PPRC1: variants seen among roughly 807,000 people sequenced by gnomAD.
PPRC1 encodes the protein PPARG related coactivator 1.
Under a neutral mutation model 132.5 loss-of-function variants are expected in PPRC1, and 23 were observed. That is an observed-to-expected ratio of 0.17 (90% CI 0.12 to 0.25). The LOEUF is 0.25. PPRC1 is among the 10% of genes least tolerant of loss of function. The probability of loss-of-function intolerance (pLI) is 1.00; values close to 1 mark genes in which losing one functional copy is unlikely to be tolerated. For missense variants in PPRC1, 2,006 were observed against 2,089.1 expected, an observed-to-expected ratio of 0.96 and a Z score of 0.78; for synonymous variants, 872 against 833.5, an observed-to-expected ratio of 1.05 and a Z score of -0.80.
chr10:102,131,653 CAACTT>C (rs1294663334), upstream of PPRC1, among the ~76,000 whole-genome samples: 94 of 152,190 alleles, frequency 6.2e-4, no homozygotes, highest in African/African-American at 2.2e-3. Context: ...AAACTGTAAA[CAACTT>C]AAATATTATT....
chr10:102,131,105 GAATCA>G (rs2068533019), upstream of PPRC1, among the ~76,000 whole-genome samples: 3 of 150,292 alleles, frequency 2.0e-5, no homozygotes, highest in African/African-American at 7.4e-5. Flanking sequence ...TGAGGCAGGA[GAATCA>G]CTTGAACCTG....
In PPRC1 at chr10:102,141,329, C is replaced by T. The variant is rs778325608; in HGVS notation, c.2821C>T (p.Pro941Ser). 2.5e-6 allele frequency: 4 copies of T among 1,614,072 alleles called. No individual in the cohort carries two copies. Among genetic ancestry groups the T allele is most frequent in the East Asian group, 4.5e-5 (2 of 44,878 alleles). ...TGGCTATCCTTGCCTGCCCCCCCCA[C>T]CAACGGTGCCCCTAGTGTCTGGTAC... ...PSGYPCLPPP[P>S]TVPLVSGTPG... The change falls in exon 5 of 14, where the codon CCA becomes TCA. Residue 941 changes from proline to serine, a missense_variant. By Grantham distance (74) the Pro-to-Ser change is moderately conservative (BLOSUM62 -1). This residue lies in a region of PPRC1 where 1,914 missense variants were observed against 1,917.2 expected (regional missense o/e 1.00). Coordinates refer to ENST00000278070, the MANE Select transcript of PPRC1 (RefSeq NM_015062.5).
the PPRC1 span, among the ~76,000 whole-genome samples, chr10:102,124,936 G>A: frequency 6.6e-6 from 1 of 152,054 alleles, no homozygotes; most frequent in Non-Finnish European, 1.5e-5. Flanking sequence ...ATGAGCCACT[G>A]CCTGACCCTG....
the PPRC1 span, among the ~76,000 whole-genome samples, chr10:102,127,679 T>TCC: frequency 6.6e-6 from 1 of 152,126 alleles, no homozygotes; most frequent in African/African-American, 2.4e-5. Context: ...GTGCTGGGAT[T>TCC]ACAGGCGAGA....
intron 13 of PPRC1, 48 bp from the exon 14 acceptor site, chr10:102,149,878 G>A: frequency 7.0e-7 from 1 of 1,426,138 alleles, no homozygotes; most frequent in Non-Finnish European, 9.9e-7. Flanking sequence ...AGACCCTGTG[G>A]TTGGGAAGTG....
the PPRC1 span, among the ~76,000 whole-genome samples, chr10:102,122,160 G>C: frequency 6.6e-6 from 1 of 151,754 alleles, no homozygotes; most frequent in Non-Finnish European, 1.5e-5. Context: ...GTATTTCCTT[G>C]GCAGCATCCC....
chr10:102,136,191 A>G (rs934014256), intron 1 of PPRC1, among the ~76,000 whole-genome samples: 1 of 152,116 alleles, frequency 6.6e-6, no homozygotes, highest in Non-Finnish European at 1.5e-5. Flanking sequence ...GGGAGGAGTT[A>G]GTGCCTAAAA....
At chr10:102,120,035 C>T in the PPRC1 span, 1 of 1,374,662 alleles carries the variant, frequency 7.3e-7, no homozygotes, top group Non-Finnish European at 9.7e-7. Flanking sequence ...GTGAGGGGTC[C>T]GCAGGGACGG....
chr10:102,142,393 A>C (rs1590342814), intron 5 of PPRC1, among the ~76,000 whole-genome samples: 1 of 78,140 alleles, frequency 1.3e-5, no homozygotes, highest in African/African-American at 5.0e-5. Flanking sequence ...GAGCCGCTGC[A>C]CCATGCCTTT....
upstream of PPRC1, among the ~76,000 whole-genome samples, chr10:102,129,911 A>G (rs576917715): frequency 4.6e-5 from 7 of 152,216 alleles, no homozygotes; most frequent in African/African-American, 1.7e-4. Context: ...GCCTTAGAGC[A>G]TCTTTTAGAG....
rs770624068 is a variant in PPRC1, at chr10:102,140,309, C to T, written c.1801C>T (p.Leu601=). ...TGATCCCACTGCAGTTGGCCCTGTT[C>T]TAGCTGGCCCTGTACCTGTTGACCC... is the stretch of plus-strand genomic sequence containing the variant. The part of the protein sequence containing the change: ...EADPTAVGPV[L]AGPVPVDPGL... Residue 601 remains leucine, a synonymous_variant, in exon 5 of 14, where the codon CTA becomes TTA. Coordinates refer to ENST00000278070, the MANE Select transcript of PPRC1 (RefSeq NM_015062.5). 1 of 1,614,190 alleles carries T rather than the reference C, an allele frequency of 6.2e-7. No homozygotes were observed. Among genetic ancestry groups the T allele is most frequent in the Non-Finnish European group, 8.5e-7 (1 of 1,180,004 alleles).
chr10:102,141,115 G>A lies in PPRC1; in HGVS notation c.2607G>A (p.Val869=), dbSNP rs1331765865. The A allele has an allele frequency of 5.6e-6, 9 of 1,614,034 alleles. No individual in the cohort carries two copies. Among genetic ancestry groups the A allele is most frequent in the East Asian group, 4.5e-5 (2 of 44,880 alleles). Residue 869 remains valine, a synonymous_variant, in exon 5 of 14, where the codon GTG becomes GTA. Coordinates refer to ENST00000278070, the MANE Select transcript of PPRC1 (RefSeq NM_015062.5). The part of the protein sequence containing the change: ...SPPVQSVSPA[V]PTPPSMSAAL... Reference sequence around the variant, plus strand: ...CTGTGCAGTCTGTGTCCCCTGCTGTGCCCACACCTCCCTCGATGTCTGCTG... The same window carrying A: ...CTGTGCAGTCTGTGTCCCCTGCTGTACCCACACCTCCCTCGATGTCTGCTG...
At chr10:102,137,013 T>C (rs553343042) in intron 1 of PPRC1, among the ~76,000 whole-genome samples, 15 of 152,212 alleles carry the variant, frequency 9.9e-5, no homozygotes, top group Non-Finnish European at 2.1e-4. Context: ...GAATTACCAT[T>C]GAGAGGTTGA....
In PPRC1 at chr10:102,148,306, T is replaced by G. The variant is rs537293251; in HGVS notation, c.4401-66T>G. The G allele has an allele frequency of 9.0e-6, 14 of 1,553,472 alleles. No homozygotes were observed. In the African/African-American group the frequency reaches 9.5e-5, roughly 11 times the overall value. On this transcript the variant is annotated intron_variant, in intron 9 of 13. Transcript: ENST00000278070. This position sits in a 1 kb window ranked among gnomAD's most constrained non-coding sequence, Gnocchi z 4.2. The stretch of plus-strand genomic sequence containing the variant: ...CTAAAAGAAAGGCAGGACTGGGGCC[T>G]GGGTGAGATAAGCAGAGTATACCTG...
intron 4 of PPRC1, 35 bp downstream of exon 4, chr10:102,139,015 G>T (rs1209863748): frequency 1.2e-6 from 2 of 1,603,920 alleles, no homozygotes; most frequent in Non-Finnish European, 1.7e-6. Flanking sequence ...GAAACTCCCA[G>T]GTGGGAGGAG....
At chr10:102,145,578 AAAAAT>A (rs2133701820) in intron 8 of PPRC1, among the ~76,000 whole-genome samples, 1 of 147,814 alleles carries the variant, frequency 6.8e-6, no homozygotes, top group East Asian at 2.0e-4. Flanking sequence ...AAAAAAAAAA[AAAAAT>A]GTCGGGCGCG....
chr10:102,149,393 C>T, intron 13 of PPRC1, 64 bp downstream of exon 13: 1 of 1,481,824 alleles, frequency 6.7e-7, no homozygotes, highest in Non-Finnish European at 9.0e-7. Context: ...GGTTCCTAAC[C>T]CTTTGTGAGT....
In PPRC1 at chr10:102,148,548, G is replaced by A; in HGVS notation, c.4550+27G>A. 1 of 1,612,632 alleles carries A rather than the reference G, an allele frequency of 6.2e-7. No individual in the cohort carries two copies. Among genetic ancestry groups the A allele is most frequent in the Non-Finnish European group, 8.5e-7 (1 of 1,178,606 alleles). ...TGAGCATGTGTTCAGGGAGCGCCAT[G>A]CACCTGGGATGCAGGTGCCTAAGAG... On this transcript the variant is annotated intron_variant, in intron 10 of 13. Coordinates refer to ENST00000278070, the MANE Select transcript of PPRC1 (RefSeq NM_015062.5). This position sits in a 1 kb window ranked among gnomAD's most constrained non-coding sequence, Gnocchi z 4.2.
chr10:102,148,949 GC>G lies in PPRC1; in HGVS notation c.4739+15del, dbSNP rs1032180555. The G allele has an allele frequency of 1.9e-6, 3 of 1,613,074 alleles. No homozygotes were observed. The African/African-American group carries it at 4.0e-5, about 22-fold the overall frequency. ...CTTCCGTGTCCAAGGGTAAGCTTGG[GC>G]CCCAGGCTCAGGATGTTCTTTCTAT... On this transcript the variant is annotated intron_variant, in intron 12 of 13. Coordinates refer to ENST00000278070, the MANE Select transcript of PPRC1 (RefSeq NM_015062.5). This position sits in a 1 kb window ranked among gnomAD's most constrained non-coding sequence, Gnocchi z 4.2.
Sources: gnomAD v4.1 joint callset for allele counts (sites outside exome capture counted in the v4.1 genomes callset) on GRCh38, gnomAD v4.1.1 for gene constraint, gnomAD v4.1.1 regional missense constraint, Gnocchi (gnomAD v3.1) non-coding constraint, MANE v1.5 for transcripts, NCBI Gene and HGNC (gene_info 2026-07-23, HGNC 2026-07-21) for gene names.